Variants in UBE2E2 observed in about 807,000 individuals in gnomAD.
The protein encoded by UBE2E2 is ubiquitin conjugating enzyme E2 E2.
UBE2E2 carries 6 observed loss-of-function variants against 24.7 expected under a neutral mutation model. That is an observed-to-expected ratio of 0.24 (90% CI 0.13 to 0.48). UBE2E2 has a LOEUF of 0.48. UBE2E2 is among the 20% of genes least tolerant of loss of function. UBE2E2 has a pLI of 0.99. For missense variants in UBE2E2, 169 were observed against 245.0 expected, an observed-to-expected ratio of 0.69 and a Z score of 2.07; for synonymous variants, 104 against 83.6, an observed-to-expected ratio of 1.24 and a Z score of -1.33.
Position 23,226,798 on chromosome 3 carries a change from A to G in UBE2E2, c.227+9486A>G, listed in dbSNP as rs138371873. Among the ~76,000 whole-genome samples the G allele has an allele frequency of 5.7e-4, 87 of 152,264 alleles. 3 individuals carry two copies. The East Asian group carries it at 0.015, about 27-fold the overall frequency. On this transcript the variant is annotated intron_variant, in intron 3 of 5. Coordinates refer to ENST00000396703, the MANE Select transcript of UBE2E2 (RefSeq NM_152653.4). ...AGTTGCTGTAGTTTGAGGTTTAAATACTGAGTAAAAGAGAGTGAAATTGAA... is the reference window on the plus strand; with the variant it reads ...AGTTGCTGTAGTTTGAGGTTTAAATGCTGAGTAAAAGAGAGTGAAATTGAA...
At chr3:23,257,554 T>TA (rs1559459202) in intron 3 of UBE2E2, among the ~76,000 whole-genome samples, 4 of 88,304 alleles carry the variant, frequency 4.5e-5, no homozygotes, top group African/African-American at 1.3e-4. Context: ...TTTTTTTTTT[T>TA]AAGATATTAG....
At chr3:23,315,016 T>TA (rs1403023282) in intron 3 of UBE2E2, among the ~76,000 whole-genome samples, 1 of 152,204 alleles carries the variant, frequency 6.6e-6, no homozygotes, top group Non-Finnish European at 1.5e-5. Context: ...AGTTCTTTGT[T>TA]ATTAGCCCTT....
At chr3:23,276,501 G>A (rs551238732) in intron 3 of UBE2E2, among the ~76,000 whole-genome samples, 1 of 152,156 alleles carries the variant, frequency 6.6e-6, no homozygotes, top group Admixed American at 6.5e-5. Context: ...AAAAAAGCTA[G>A]AAAGTTTGTA....
At chr3:23,374,320 CATTT>C (rs1696467354) in intron 3 of UBE2E2, among the ~76,000 whole-genome samples, 1 of 152,084 alleles carries the variant, frequency 6.6e-6, no homozygotes, top group South Asian at 2.1e-4. Flanking sequence ...AAGTGTTTCA[CATTT>C]ATTATTTACC....
At chr3:23,459,565 G>C (rs1698762896) in intron 3 of UBE2E2, among the ~76,000 whole-genome samples, 2 of 152,168 alleles carry the variant, frequency 1.3e-5, no homozygotes, top group Non-Finnish European at 2.9e-5. Flanking sequence ...GTAAAAAGGA[G>C]AAGAAACAAA....
At chr3:23,568,128 A>G (rs969195633) in intron 5 of UBE2E2, among the ~76,000 whole-genome samples, 1 of 152,214 alleles carries the variant, frequency 6.6e-6, no homozygotes, top group Non-Finnish European at 1.5e-5. Context: ...AGAATGGTCT[A>G]TAAACTGAAA....
intron 3 of UBE2E2, among the ~76,000 whole-genome samples, chr3:23,231,274 A>T (rs910326187): frequency 7.2e-5 from 11 of 152,170 alleles, no homozygotes; most frequent in Admixed American, 3.9e-4. Flanking sequence ...TGGCCCACTT[A>T]AAGCAGCTTG....
chr3:23,452,549 T>G (rs1357324145), intron 3 of UBE2E2, among the ~76,000 whole-genome samples: 3 of 152,204 alleles, frequency 2.0e-5, no homozygotes, highest in Non-Finnish European at 4.4e-5. Flanking sequence ...CACTGACCAG[T>G]TAAAATTTAT....
intron 5 of UBE2E2, among the ~76,000 whole-genome samples, chr3:23,556,008 C>A (rs920337170): frequency 9.2e-5 from 14 of 151,736 alleles, no homozygotes; most frequent in Non-Finnish European, 1.9e-4. Flanking sequence ...TTATAGCTGT[C>A]TTGCCATGGG....
At chr3:23,518,796 C>T (rs562423919) in intron 4 of UBE2E2, among the ~76,000 whole-genome samples, 1 of 152,290 alleles carries the variant, frequency 6.6e-6, no homozygotes, top group East Asian at 1.9e-4. Context: ...CCATCTCCCC[C>T]TCCCTTATTT....
intron 3 of UBE2E2, 81 bp downstream of exon 3, chr3:23,217,393 T>C (rs1297375489): frequency 2.4e-6 from 3 of 1,261,484 alleles, no homozygotes; most frequent in African/African-American, 1.5e-5. Flanking sequence ...GCAGCTGTTG[T>C]TGTAGTCTGA....
At chr3:23,380,024 G>A (rs1257360172) in intron 3 of UBE2E2, among the ~76,000 whole-genome samples, 4 of 145,332 alleles carry the variant, frequency 2.8e-5, no homozygotes, top group East Asian at 2.1e-4. Context: ...CTACACTAGA[G>A]CTAAAACTGT....
At chr3:23,508,978 A>G (rs925733778) in intron 4 of UBE2E2, among the ~76,000 whole-genome samples, 3 of 152,152 alleles carry the variant, frequency 2.0e-5, no homozygotes, top group African/African-American at 4.8e-5. Flanking sequence ...CAGATGACAC[A>G]AGTGATACCC....
chr3:23,223,675 G>C (rs1696731364), intron 3 of UBE2E2, among the ~76,000 whole-genome samples: 1 of 152,106 alleles, frequency 6.6e-6, no homozygotes, highest in African/African-American at 2.4e-5. Flanking sequence ...AAGCTTTTTA[G>C]GTTGATGTAA....
chr3:23,493,743 T>C (rs1180140847), intron 3 of UBE2E2, among the ~76,000 whole-genome samples: 3 of 152,214 alleles, frequency 2.0e-5, no homozygotes, highest in African/African-American at 7.2e-5. Context: ...ATATACATCA[T>C]AAGATTAGGT....
chr3:23,560,962 A>G (rs1362382216), intron 5 of UBE2E2, among the ~76,000 whole-genome samples: 1 of 151,958 alleles, frequency 6.6e-6, no homozygotes, highest in African/African-American at 2.4e-5. Flanking sequence ...TAGATTCTGG[A>G]TATTAGACCT....
intron 3 of UBE2E2, among the ~76,000 whole-genome samples, chr3:23,292,683 G>C (rs1393906552): frequency 6.6e-6 from 1 of 152,224 alleles, no homozygotes; most frequent in African/African-American, 2.4e-5. Flanking sequence ...GCTTGAACTA[G>C]ACAGCCTTGG....
At chr3:23,359,084 A>G (rs1015656723) in intron 3 of UBE2E2, among the ~76,000 whole-genome samples, 1 of 152,190 alleles carries the variant, frequency 6.6e-6, no homozygotes, top group South Asian at 2.1e-4. Flanking sequence ...GTTTTTGACT[A>G]TTCAACTATT....
At chr3:23,228,294 G>A (rs1696878221) in intron 3 of UBE2E2, among the ~76,000 whole-genome samples, 1 of 152,014 alleles carries the variant, frequency 6.6e-6, no homozygotes, top group African/African-American at 2.4e-5. Context: ...TAATGTGTCT[G>A]AAAAATATAT....
Sources: gnomAD v4.1 joint callset for allele counts (sites outside exome capture counted in the v4.1 genomes callset) on GRCh38, gnomAD v4.1.1 for gene constraint, MANE v1.5 for transcripts, NCBI Gene and HGNC (gene_info 2026-07-23, HGNC 2026-07-21) for gene names.